ATP8A2: variants seen among roughly 807,000 people sequenced by gnomAD.
ATP8A2 encodes the protein ATPase phospholipid transporting 8A2, also known as phospholipid-transporting ATPase IB.
ATP8A2 carries 100 observed loss-of-function variants against 165.6 expected under a neutral mutation model. The ratio of observed to expected loss-of-function variants is 0.60; its 90% CI spans 0.51 to 0.71. The LOEUF (loss-of-function observed/expected upper bound fraction) is 0.71, where lower values mean the gene tolerates loss of function less well. Ranked by LOEUF, ATP8A2 falls within the 30% of genes least tolerant of loss-of-function variation. The pLI is 0.00. For synonymous variants in ATP8A2, 543 were observed against 548.8 expected (o/e 0.99, Z 0.15); for missense variants, 1,227 against 1,479.5 (o/e 0.83, Z 2.80).
chr13:25,846,195 G>A (rs1166158155), intron 30 of ATP8A2, among the ~76,000 whole-genome samples: 1 of 152,088 alleles, frequency 6.6e-6, no homozygotes, highest in Non-Finnish European at 1.5e-5. Flanking sequence ...CAAAAAAAAA[G>A]ATTAAAGAAT....
intron 24 of ATP8A2, among the ~76,000 whole-genome samples, chr13:25,596,211 A>G (rs2040232626): frequency 6.6e-6 from 1 of 152,142 alleles, no homozygotes; most frequent in African/African-American, 2.4e-5. Flanking sequence ...CTAATGGTAT[A>G]TTTCAGTAGC....
chr13:25,990,852 C>T (rs917703577), intron 35 of ATP8A2, among the ~76,000 whole-genome samples: 1 of 152,150 alleles, frequency 6.6e-6, no homozygotes. Flanking sequence ...CTTTTCAACC[C>T]GTGGCACGGC....
chr13:25,937,803 G>C (rs34751212), intron 33 of ATP8A2, among the ~76,000 whole-genome samples: 64,755 of 143,946 alleles, frequency 0.45, 16,074 homozygotes, highest in East Asian at 0.72. Context: ...GAGCCGAGAT[G>C]GCAACACTGC....
chr13:25,631,814 T>G (rs1185481209), intron 24 of ATP8A2, among the ~76,000 whole-genome samples: 1 of 152,172 alleles, frequency 6.6e-6, no homozygotes, highest in African/African-American at 2.4e-5. Context: ...AAAGCTAAAG[T>G]GTTTTGCGTA....
intron 24 of ATP8A2, among the ~76,000 whole-genome samples, chr13:25,680,568 T>A (rs2042464799): frequency 6.6e-6 from 1 of 152,176 alleles, no homozygotes; most frequent in Admixed American, 6.5e-5. Context: ...GAAATGAAGG[T>A]CATGGAGACC....
intron 2 of ATP8A2, among the ~76,000 whole-genome samples, chr13:25,474,297 C>A (rs186995949): frequency 6.6e-6 from 1 of 152,118 alleles, no homozygotes; most frequent in Non-Finnish European, 1.5e-5. Context: ...CGCAGTGGCT[C>A]GCGCCTATAA....
chr13:25,749,510 T>C (rs1026830991), intron 25 of ATP8A2, among the ~76,000 whole-genome samples: 1 of 150,836 alleles, frequency 6.6e-6, no homozygotes, highest in African/African-American at 2.4e-5. Context: ...GAGGAGGGGG[T>C]GTAGGCAGCA....
intron 1 of ATP8A2, among the ~76,000 whole-genome samples, chr13:25,435,825 A>G (rs2034743608): frequency 6.6e-6 from 1 of 152,156 alleles, no homozygotes; most frequent in Non-Finnish European, 1.5e-5. Context: ...TGGAACAAGA[A>G]TCTTATTTAT....
intron 27 of ATP8A2, 41 bp downstream of exon 27, chr13:25,775,000 T>A: frequency 1.7e-6 from 2 of 1,145,648 alleles, no homozygotes; most frequent in Non-Finnish European, 2.6e-6. Context: ...GAAAGTTCTT[T>A]TAAGAGGATA....
intron 1 of ATP8A2, among the ~76,000 whole-genome samples, chr13:25,435,937 G>GTGTGTGTA (rs1566131354): frequency 2.1e-5 from 3 of 144,168 alleles, no homozygotes; most frequent in Non-Finnish European, 4.5e-5. Flanking sequence ...GTGTGAGTGT[G>GTGTGTGTA]TGTGTGTGTG....
At chr13:25,831,109 A>G (rs1951453303) in intron 28 of ATP8A2, among the ~76,000 whole-genome samples, 1 of 150,602 alleles carries the variant, frequency 6.6e-6, no homozygotes, top group South Asian at 2.1e-4. Context: ...CTCCGCTGTC[A>G]TTTTCTTCAT....
chr13:25,609,563 A>G lies in ATP8A2; in HGVS notation c.2211+19864A>G, dbSNP rs9581405. On this transcript the variant is annotated intron_variant, in intron 24 of 36. Coordinates refer to ENST00000381655, the MANE Select transcript of ATP8A2 (RefSeq NM_016529.6). ...TTCAAATATATATATATATATTTGG[A>G]TTCAAATATATATATATATTTGGGT... Among the ~76,000 whole-genome samples the G allele has an allele frequency of 5.8e-3, 811 of 138,840 alleles. 2 individuals are homozygous for G. Among genetic ancestry groups the G allele is most frequent in the Non-Finnish European group, 8.2e-3 (518 of 63,348 alleles). The allele number at this position is 138,840 out of a possible 152,430, so 91.1% of individuals were successfully genotyped here.
intron 33 of ATP8A2, among the ~76,000 whole-genome samples, chr13:25,882,996 G>A (rs1009213953): frequency 4.0e-5 from 6 of 151,876 alleles, no homozygotes; most frequent in East Asian, 1.9e-4. Context: ...CACAAGCTGG[G>A]CACTTTATTC....
In ATP8A2 at chr13:25,750,131, T is replaced by A. The variant is rs1263264376; in HGVS notation, c.2385-18915T>A. On this transcript the variant is annotated intron_variant, in intron 25 of 36. Transcript: ENST00000381655. This position sits in a 1 kb window ranked among gnomAD's most constrained non-coding sequence, Gnocchi z 4.3. Reference sequence around the variant, plus strand: ...TTGTCTCAATATTTATTTACTTATTTGTGTCCCTCTAAAGCCACAGTAAGG... The same window carrying A: ...TTGTCTCAATATTTATTTACTTATTAGTGTCCCTCTAAAGCCACAGTAAGG... Among the ~76,000 whole-genome samples the A allele has an allele frequency of 2.6e-5, 4 of 152,220 alleles. No homozygotes were observed. Among genetic ancestry groups the A allele is most frequent in the Admixed American group, 2.6e-4 (4 of 15,282 alleles).
intron 28 of ATP8A2, among the ~76,000 whole-genome samples, chr13:25,834,116 T>G (rs1436487571): frequency 6.6e-6 from 1 of 152,120 alleles, no homozygotes; most frequent in Non-Finnish European, 1.5e-5. Flanking sequence ...TGAGTAGACA[T>G]TTCACAGAAC....
In ATP8A2 at chr13:25,409,218, A is replaced by C. The variant is rs536633452; in HGVS notation, c.76+36930A>C. Reference sequence around the variant, plus strand: ...GTATTGACTTAAAGTCTGCAGGCTCAGTAATAATGTCTATTGTGTCTATTT... The same window carrying C: ...GTATTGACTTAAAGTCTGCAGGCTCCGTAATAATGTCTATTGTGTCTATTT... On this transcript the variant is annotated intron_variant, in intron 1 of 36. Transcript: ENST00000381655. 4.0e-4 allele frequency among the ~76,000 whole-genome samples: 61 copies of C among 152,322 alleles called. 1 individual carries two copies. Among genetic ancestry groups the C allele is most frequent in the African/African-American group, 1.3e-3 (56 of 41,562 alleles).
At chr13:25,456,962 C>T (rs548577612) in intron 1 of ATP8A2, among the ~76,000 whole-genome samples, 83 of 152,146 alleles carry the variant, frequency 5.5e-4, no homozygotes, top group Non-Finnish European at 1.1e-3. Context: ...CTAACACTAA[C>T]GGCAGCTGAT....
chr13:25,991,507 T>C (rs975507), intron 35 of ATP8A2, among the ~76,000 whole-genome samples: 22,012 of 152,250 alleles, frequency 0.14, 1,662 homozygotes, highest in Middle Eastern at 0.22. Flanking sequence ...CTACTTTCTA[T>C]TCATTCCTTA....
chr13:25,683,762 G>A (rs1023178883), intron 24 of ATP8A2, among the ~76,000 whole-genome samples: 2 of 151,640 alleles, frequency 1.3e-5, no homozygotes, highest in African/African-American at 4.9e-5. Flanking sequence ...AGAAGGCCAA[G>A]TTTAGCCTAC....
Sources: allele counts gnomAD v4.1 joint callset (sites outside exome capture counted in the v4.1 genomes callset), GRCh38; gene constraint gnomAD v4.1.1; non-coding constraint Gnocchi (gnomAD v3.1); transcripts MANE v1.5; gene names NCBI Gene and HGNC (gene_info 2026-07-23, HGNC 2026-07-21).